Variants in SNTG1 observed in about 807,000 individuals in gnomAD.
SNTG1 encodes the protein syntrophin gamma 1.
Under a neutral mutation model 74.7 loss-of-function variants are expected in SNTG1, and 39 were observed. The observed-to-expected ratio is 0.52, with a 90% confidence interval of 0.40 to 0.68. SNTG1 has a LOEUF of 0.68. SNTG1 is among the 30% of genes least tolerant of loss of function. The pLI, the probability that SNTG1 is intolerant of heterozygous loss-of-function variation, is 0.00. For missense variants in SNTG1, 685 were observed against 609.5 expected (o/e 1.12, Z -1.30); for synonymous variants, 254 against 217.1 (o/e 1.17, Z -1.49).
chr8:50,194,885 C>T (rs902592899), intron 2 of SNTG1, among the ~76,000 whole-genome samples: 3 of 151,960 alleles, frequency 2.0e-5, no homozygotes, highest in Non-Finnish European at 2.9e-5. Flanking sequence ...TCATTCAGTT[C>T]GAAGAATTTT....
chr8:49,945,176 T>G (rs1392143024), intron 1 of SNTG1, among the ~76,000 whole-genome samples: 1 of 152,168 alleles, frequency 6.6e-6, no homozygotes, highest in African/African-American at 2.4e-5. Context: ...ACCTGGTCAT[T>G]TATTTCATCT....
At chr8:50,248,970 A>G (rs2086522384) in intron 2 of SNTG1, among the ~76,000 whole-genome samples, 1 of 152,180 alleles carries the variant, frequency 6.6e-6, no homozygotes, top group African/African-American at 2.4e-5. Flanking sequence ...GTGGCCATCA[A>G]GGTAACATCA....
chr8:50,670,701 T>G (rs929943317), intron 15 of SNTG1, among the ~76,000 whole-genome samples: 1 of 145,510 alleles, frequency 6.9e-6, no homozygotes, highest in Non-Finnish European at 1.5e-5. Flanking sequence ...ACTTTAAAGT[T>G]CATATGGAAC....
chr8:50,116,738 T>C (rs2080837726), intron 1 of SNTG1, among the ~76,000 whole-genome samples: 1 of 152,188 alleles, frequency 6.6e-6, no homozygotes, highest in Non-Finnish European at 1.5e-5. Flanking sequence ...TCATTTTCCA[T>C]GAGCATTTTG....
intron 18 of SNTG1, among the ~76,000 whole-genome samples, chr8:50,785,880 A>G (rs904695092): frequency 6.6e-6 from 1 of 152,020 alleles, no homozygotes; most frequent in African/African-American, 2.4e-5. Context: ...AATCAGAGCA[A>G]TACACCGTAT....
chr8:50,306,052 C>T (rs1359147669), intron 2 of SNTG1, among the ~76,000 whole-genome samples: 1 of 149,956 alleles, frequency 6.7e-6, no homozygotes, highest in East Asian at 1.9e-4. Context: ...CCCCTCCCAC[C>T]CTCCCCCTTC....
chr8:50,280,620 G>T (rs894484938), intron 2 of SNTG1, among the ~76,000 whole-genome samples: 1 of 152,152 alleles, frequency 6.6e-6, no homozygotes, highest in Non-Finnish European at 1.5e-5. Context: ...TGAAGAGGGG[G>T]TGCTTATAAG....
chr8:50,730,723 C>A (rs1281267494), intron 17 of SNTG1, among the ~76,000 whole-genome samples: 7 of 152,130 alleles, frequency 4.6e-5, no homozygotes, highest in Non-Finnish European at 8.8e-5. Flanking sequence ...AAAGATCCAT[C>A]ATAAAATATG....
chr8:50,392,157 G>A (rs764548173), intron 2 of SNTG1, among the ~76,000 whole-genome samples: 4 of 152,166 alleles, frequency 2.6e-5, no homozygotes, highest in Non-Finnish European at 2.9e-5. Flanking sequence ...TGTAATCAAT[G>A]TGACATAATC....
At chr8:50,544,856 A>G (rs2094375014) in intron 11 of SNTG1, among the ~76,000 whole-genome samples, 2 of 152,062 alleles carry the variant, frequency 1.3e-5, no homozygotes, top group African/African-American at 4.8e-5. Flanking sequence ...CTCACAGACT[A>G]GTAGTAGTAG....
chr8:50,348,726 C>A (rs2091557967), intron 2 of SNTG1, among the ~76,000 whole-genome samples: 1 of 152,166 alleles, frequency 6.6e-6, no homozygotes, highest in East Asian at 1.9e-4. Context: ...AGTATAATAA[C>A]ACTGTATAGA....
At chr8:50,574,385 T>C (rs999525537) in intron 12 of SNTG1, among the ~76,000 whole-genome samples, 1 of 152,144 alleles carries the variant, frequency 6.6e-6, no homozygotes, top group Non-Finnish European at 1.5e-5. Flanking sequence ...TTGCTTATGG[T>C]TGGTAAAAGA....
At chr8:50,722,363 C>G (rs1437391925) in intron 17 of SNTG1, among the ~76,000 whole-genome samples, 1 of 151,686 alleles carries the variant, frequency 6.6e-6, no homozygotes, top group African/African-American at 2.4e-5. Context: ...TTAATAGAGA[C>G]GGGGTTTTTA....
At chr8:50,356,187 A>C (rs1033502219) in intron 2 of SNTG1, among the ~76,000 whole-genome samples, 1 of 152,044 alleles carries the variant, frequency 6.6e-6, no homozygotes, top group African/African-American at 2.4e-5. Flanking sequence ...ATAGAAGTCA[A>C]ATATGTACTG....
intron 1 of SNTG1, among the ~76,000 whole-genome samples, chr8:50,069,583 ATTTTTTTTTTTTTTTTTTTTTTTTTTT>A (rs71235778): frequency 1.5e-5 from 1 of 67,032 alleles, no homozygotes; most frequent in Non-Finnish European, 2.5e-5. Context: ...ATTGGGAGGA[ATTTTTTTTTTTTTTTTTTTTTTTTTTT>A]TTTTTTTTTT....
At chr8:50,559,802 A>G (rs1376680900) in intron 12 of SNTG1, among the ~76,000 whole-genome samples, 1 of 152,212 alleles carries the variant, frequency 6.6e-6, no homozygotes, top group Non-Finnish European at 1.5e-5. Context: ...ACCTTTCAGT[A>G]CATAGCCATG....
intron 12 of SNTG1, among the ~76,000 whole-genome samples, chr8:50,573,940 A>G (rs1381970463): frequency 1.3e-5 from 2 of 152,048 alleles, no homozygotes; most frequent in African/African-American, 4.8e-5. Context: ...ATAGAATCAA[A>G]TAACAAGAAT....
intron 1 of SNTG1, among the ~76,000 whole-genome samples, chr8:49,946,022 A>G (rs909878606): frequency 3.9e-5 from 6 of 152,186 alleles, no homozygotes; most frequent in African/African-American, 1.4e-4. Context: ...GAAAACCAGG[A>G]AGCAAACTTG....
At chr8:50,416,950 CACAT>C (rs1191525151) in intron 4 of SNTG1, among the ~76,000 whole-genome samples, 4 of 152,070 alleles carry the variant, frequency 2.6e-5, no homozygotes, top group African/African-American at 9.7e-5. Flanking sequence ...CTTCAAATGT[CACAT>C]AAAGTAATAC....
Sources: allele counts gnomAD v4.1 joint callset (sites outside exome capture counted in the v4.1 genomes callset), GRCh38; gene constraint gnomAD v4.1.1; transcripts MANE v1.5; gene names NCBI Gene and HGNC (gene_info 2026-07-23, HGNC 2026-07-21).